DLGAP1: variants seen among roughly 807,000 people sequenced by gnomAD.
DLGAP1 encodes DLG associated protein 1.
DLGAP1 carries 11 observed loss-of-function variants against 90.8 expected under a neutral mutation model. That is an observed-to-expected ratio of 0.12 (90% CI 0.08 to 0.20). DLGAP1 has a LOEUF of 0.20. DLGAP1 is among the 10% of genes least tolerant of loss of function. The probability of loss-of-function intolerance (pLI) is 1.00; values close to 1 mark genes in which losing one functional copy is unlikely to be tolerated. For missense variants in DLGAP1, 1,050 were observed against 1,333.8 expected (o/e 0.79, Z 3.31); for synonymous variants, 558 against 540.7 (o/e 1.03, Z -0.44).
At chr18:4,107,647 G>A (rs755348233) in intron 2 of DLGAP1, among the ~76,000 whole-genome samples, 21 of 152,210 alleles carry the variant, frequency 1.4e-4, no homozygotes, top group Admixed American at 3.3e-4. Context: ...GGTGAACTGA[G>A]TGATGTGTAA....
chr18:3,994,519 C>A (rs2074030289), intron 3 of DLGAP1, among the ~76,000 whole-genome samples: 1 of 152,198 alleles, frequency 6.6e-6, no homozygotes, highest in African/African-American at 2.4e-5. Flanking sequence ...CTAAAAATAT[C>A]TCAAACCTGA....
At chr18:3,783,915 T>C (rs932839576) in intron 5 of DLGAP1, among the ~76,000 whole-genome samples, 6 of 152,168 alleles carry the variant, frequency 3.9e-5, no homozygotes, top group African/African-American at 1.4e-4. Context: ...ATCTTATGTG[T>C]CCTCATAAGT....
chr18:4,360,639 A>T (rs1411987934), intron 1 of DLGAP1, among the ~76,000 whole-genome samples: 1 of 152,174 alleles, frequency 6.6e-6, no homozygotes, highest in Non-Finnish European at 1.5e-5. Context: ...TGCTGTAGGG[A>T]GTGAAAAGGA....
At chr18:4,357,182 C>T (rs2081539484) in intron 1 of DLGAP1, among the ~76,000 whole-genome samples, 1 of 103,674 alleles carries the variant, frequency 9.6e-6, no homozygotes, top group African/African-American at 3.6e-5. Context: ...TTTTGACAGG[C>T]TCACTCTGTG....
At chr18:3,703,308 A>G (rs546278887) in intron 7 of DLGAP1, among the ~76,000 whole-genome samples, 1 of 152,238 alleles carries the variant, frequency 6.6e-6, no homozygotes, top group Non-Finnish European at 1.5e-5. Flanking sequence ...ATTTTATTGC[A>G]TTTACTCCAA....
intron 1 of DLGAP1, among the ~76,000 whole-genome samples, chr18:4,244,756 T>C (rs2078618872): frequency 6.6e-6 from 1 of 152,190 alleles, no homozygotes; most frequent in Admixed American, 6.5e-5. Flanking sequence ...AAAAGGCTAA[T>C]GGATATAGGA....
chr18:4,243,433 C>T (rs776219424), intron 1 of DLGAP1, among the ~76,000 whole-genome samples: 14 of 152,120 alleles, frequency 9.2e-5, no homozygotes, highest in Non-Finnish European at 2.1e-4. Flanking sequence ...CTGCCAGATC[C>T]TCCCAAGGCT....
At chr18:3,765,192 G>A (rs947402510) in intron 5 of DLGAP1, among the ~76,000 whole-genome samples, 9 of 133,932 alleles carry the variant, frequency 6.7e-5, no homozygotes, top group Non-Finnish European at 1.1e-4. Context: ...CAGTGGCGCA[G>A]TCTCGGCTCA....
At chr18:3,906,194 G>T (rs1301854567) in intron 3 of DLGAP1, among the ~76,000 whole-genome samples, 2 of 152,136 alleles carry the variant, frequency 1.3e-5, no homozygotes. Context: ...CTACATCTCG[G>T]AAGTTTAGCT....
At chr18:3,933,129 T>C (rs917150033) in intron 3 of DLGAP1, among the ~76,000 whole-genome samples, 2 of 152,202 alleles carry the variant, frequency 1.3e-5, no homozygotes, top group Non-Finnish European at 2.9e-5. Flanking sequence ...ATTCATGCAT[T>C]TAATCAACTA....
chr18:3,814,828 T>C (rs1196477997), intron 4 of DLGAP1, among the ~76,000 whole-genome samples: 1 of 152,228 alleles, frequency 6.6e-6, no homozygotes, highest in Non-Finnish European at 1.5e-5. Context: ...TAAAAATGTA[T>C]AAATAAGACC....
chr18:4,312,061 G>A (rs1029103952), intron 1 of DLGAP1, among the ~76,000 whole-genome samples: 16 of 152,158 alleles, frequency 1.1e-4, no homozygotes, highest in Non-Finnish European at 2.1e-4. Context: ...ATGTTGGAAA[G>A]GCTGATTTCA....
At chr18:4,079,537 G>A (rs1175302358) in intron 2 of DLGAP1, among the ~76,000 whole-genome samples, 1 of 151,886 alleles carries the variant, frequency 6.6e-6, no homozygotes, top group Non-Finnish European at 1.5e-5. Context: ...ACTCAGAAGT[G>A]GGGAGGGTGG....
chr18:3,618,135 T>C (rs914081590), intron 7 of DLGAP1, among the ~76,000 whole-genome samples: 6 of 152,098 alleles, frequency 3.9e-5, no homozygotes, highest in Non-Finnish European at 8.8e-5. Context: ...CTAACAAAGG[T>C]TTATCAAGGA....
chr18:4,082,756 T>C (rs2075629980), intron 2 of DLGAP1, among the ~76,000 whole-genome samples: 1 of 151,978 alleles, frequency 6.6e-6, no homozygotes, highest in Non-Finnish European at 1.5e-5. Context: ...TTAAGTAAGT[T>C]GTGAAATTCA....
At chr18:4,262,994 G>A (rs2145277379) in intron 1 of DLGAP1, among the ~76,000 whole-genome samples, 1 of 152,142 alleles carries the variant, frequency 6.6e-6, no homozygotes, top group Middle Eastern at 3.4e-3. Flanking sequence ...GTGCAGTGGT[G>A]TGATTTCGGC....
At chr18:3,905,129 A>T (rs1230761392) in intron 3 of DLGAP1, among the ~76,000 whole-genome samples, 1 of 151,778 alleles carries the variant, frequency 6.6e-6, no homozygotes, top group African/African-American at 2.4e-5. Flanking sequence ...GCACTTTGGG[A>T]GGCTGAGTTG....
chr18:4,315,133 C>A (rs1450166312), intron 1 of DLGAP1, among the ~76,000 whole-genome samples: 1 of 152,172 alleles, frequency 6.6e-6, no homozygotes, highest in Non-Finnish European at 1.5e-5. Context: ...CTGTCCCTCA[C>A]TGGGTGAGTA....
At chr18:3,572,436 A>ATTTATTTG (rs2054863435) in intron 8 of DLGAP1, among the ~76,000 whole-genome samples, 4 of 149,634 alleles carry the variant, frequency 2.7e-5, no homozygotes, top group Middle Eastern at 3.4e-3. Flanking sequence ...TTATTTATTT[A>ATTTATTTG]TTTGTTTGTT....
Sources: allele counts gnomAD v4.1 joint callset (sites outside exome capture counted in the v4.1 genomes callset), GRCh38; gene constraint gnomAD v4.1.1; transcripts MANE v1.5; gene names NCBI Gene and HGNC (gene_info 2026-07-23, HGNC 2026-07-21).